ZC3H12B: variants seen among roughly 807,000 people sequenced by gnomAD.
ZC3H12B encodes the protein probable ribonuclease ZC3H12B.
In ZC3H12B, 7 loss-of-function variants were observed where a neutral mutation model predicts 43.9. The ratio of observed to expected loss-of-function variants is 0.16; its 90% CI spans 0.09 to 0.30. The LOEUF is 0.30. Ranked by LOEUF, ZC3H12B falls within the 10% of genes least tolerant of loss-of-function variation. The pLI is 1.00. For missense variants in ZC3H12B, 475 were observed against 670.2 expected, an observed-to-expected ratio of 0.71 and a Z score of 3.22; for synonymous variants, 222 against 241.7, an observed-to-expected ratio of 0.92 and a Z score of 0.76.
intron 3 of ZC3H12B, among the ~76,000 whole-genome samples, chrX:65,468,880 A>T (rs1310503103): frequency 1.9e-5 from 2 of 107,400 alleles, no homozygotes; most frequent in Admixed American, 2.0e-4. Context: ...TATTTGTTAG[A>T]TTCATCTTTT....
chrX:65,461,986 AAAAT>A (rs562041873), intron 3 of ZC3H12B, among the ~76,000 whole-genome samples: 6 of 110,728 alleles, frequency 5.4e-5, no homozygotes, highest in East Asian at 2.8e-4. Context: ...ATAGAAATAA[AAAAT>A]AAATAAATAA....
the ZC3H12B span, among the ~76,000 whole-genome samples, chrX:65,096,629 G>A: frequency 3.6e-5 from 4 of 111,412 alleles, no homozygotes; most frequent in Admixed American, 1.9e-4. Context: ...AAACATTGAA[G>A]AAAATGGGGC....
At chrX:65,364,734 C>G (rs1046655702), upstream of ZC3H12B, among the ~76,000 whole-genome samples, 7 of 111,465 alleles carry the variant, frequency 6.3e-5, no homozygotes, top group African/African-American at 2.0e-4. Context: ...CATTTCTTTT[C>G]CATCATGGAA....
the ZC3H12B span, among the ~76,000 whole-genome samples, chrX:65,092,984 TG>T: frequency 9.0e-6 from 1 of 111,479 alleles, no homozygotes; most frequent in Non-Finnish European, 1.9e-5. Context: ...GAGGGAAGAA[TG>T]GTTTCATGAG....
chrX:65,081,883 A>T, the ZC3H12B span, among the ~76,000 whole-genome samples: 1 of 112,084 alleles, frequency 8.9e-6, no homozygotes, highest in East Asian at 2.8e-4. Flanking sequence ...AAGTTAGGTC[A>T]CAAAACAAGT....
chrX:65,491,239 C>G (rs2068198061), intron 1 of ZC3H12B, among the ~76,000 whole-genome samples: 1 of 111,707 alleles, frequency 9.0e-6, no homozygotes, highest in Admixed American at 9.5e-5. Flanking sequence ...CCACTGGAGA[C>G]CCTATAAGAA....
the ZC3H12B span, among the ~76,000 whole-genome samples, chrX:65,116,531 G>A: frequency 1.8e-5 from 2 of 109,997 alleles, no homozygotes; most frequent in Admixed American, 9.7e-5. Flanking sequence ...GGGTATGCAC[G>A]CTCTTTTCTG....
At chrX:65,390,639 C>G (rs1202114680) in intron 2 of ZC3H12B, among the ~76,000 whole-genome samples, 2 of 109,675 alleles carry the variant, frequency 1.8e-5, no homozygotes, top group Non-Finnish European at 3.8e-5. Flanking sequence ...ACCCCCACCC[C>G]CACCTTCAGC....
At chrX:65,118,211 ATTTG>A in the ZC3H12B span, among the ~76,000 whole-genome samples, 2 of 111,731 alleles carry the variant, frequency 1.8e-5, no homozygotes, top group South Asian at 7.5e-4. Flanking sequence ...ATGTTCTTCC[ATTTG>A]TTTGTGTCCT....
chrX:65,191,131 G>T, the ZC3H12B span, among the ~76,000 whole-genome samples: 1 of 82,974 alleles, frequency 1.2e-5, no homozygotes, highest in Non-Finnish European at 2.2e-5. Flanking sequence ...AACCAGCCTT[G>T]CATCCCAGGG....
intron 3 of ZC3H12B, among the ~76,000 whole-genome samples, chrX:65,468,632 C>T (rs1366284111): frequency 2.3e-4 from 24 of 102,953 alleles, no homozygotes; most frequent in Non-Finnish European, 3.7e-4. Context: ...TACAGGTGCC[C>T]GCCACCGTGC....
intron 3 of ZC3H12B, among the ~76,000 whole-genome samples, chrX:65,451,134 G>C (rs1343364913): frequency 9.1e-6 from 1 of 109,458 alleles, no homozygotes; most frequent in East Asian, 2.9e-4. Flanking sequence ...ATTTATAGTA[G>C]AGATGGGGTT....
chrX:65,494,484 G>A (rs2068249370), intron 1 of ZC3H12B, among the ~76,000 whole-genome samples: 1 of 111,097 alleles, frequency 9.0e-6, no homozygotes, highest in African/African-American at 3.3e-5. Flanking sequence ...GAATTTGGCA[G>A]TATAAAATAT....
At chrX:65,321,187 G>A in the ZC3H12B span, among the ~76,000 whole-genome samples, 1 of 102,846 alleles carries the variant, frequency 9.7e-6, no homozygotes, top group African/African-American at 4.4e-5. Context: ...GAACTTAAAC[G>A]GATGTACAAC....
chrX:65,123,169 G>T, the ZC3H12B span, among the ~76,000 whole-genome samples: 1 of 106,666 alleles, frequency 9.4e-6, no homozygotes, highest in Non-Finnish European at 1.9e-5. Context: ...GCCTTTTCTG[G>T]ATCTGTTGAC....
the ZC3H12B span, among the ~76,000 whole-genome samples, chrX:65,231,014 C>A: frequency 1.8e-5 from 2 of 111,331 alleles, 1 homozygote; most frequent in South Asian, 7.5e-4. Flanking sequence ...GGGAACCAGC[C>A]CCCAGTATTT....
chrX:65,281,183 G>T, the ZC3H12B span, among the ~76,000 whole-genome samples: 2 of 106,439 alleles, frequency 1.9e-5, 1 homozygote. Flanking sequence ...ATAAACCAAT[G>T]AAATAGTATG....
chrX:65,341,844 G>T, the ZC3H12B span, among the ~76,000 whole-genome samples: 2 of 110,256 alleles, frequency 1.8e-5, no homozygotes, highest in African/African-American at 6.6e-5. Context: ...ATGATGACAG[G>T]ATCAAATCCA....
chrX:65,425,431 C>T (rs1212543589), intron 3 of ZC3H12B, among the ~76,000 whole-genome samples: 1 of 111,288 alleles, frequency 9.0e-6, no homozygotes, highest in Non-Finnish European at 1.9e-5. Context: ...ATTTGATACC[C>T]TCTATTCCTT....
Sources: gnomAD v4.1 joint callset for allele counts (sites outside exome capture counted in the v4.1 genomes callset) on GRCh38, gnomAD v4.1.1 for gene constraint, MANE v1.5 for transcripts, NCBI Gene and HGNC (gene_info 2026-07-23, HGNC 2026-07-21) for gene names.